MAN1A2: variants seen among roughly 807,000 people sequenced by gnomAD.
MAN1A2 encodes the protein mannosidase alpha class 1A member 2, also known as mannosyl-oligosaccharide 1,2-alpha-mannosidase IB.
A neutral mutation model predicts 75.7 loss-of-function variants in MAN1A2; 26 were observed. The ratio of observed to expected loss-of-function variants is 0.34; its 90% CI spans 0.25 to 0.48. MAN1A2 has a LOEUF of 0.48. MAN1A2 is among the 20% of genes least tolerant of loss of function. The probability of loss-of-function intolerance (pLI) is 0.99; values close to 1 mark genes in which losing one functional copy is unlikely to be tolerated. For synonymous variants in MAN1A2, 247 were observed against 264.6 expected (o/e 0.93, Z 0.65); for missense variants, 562 against 775.5 (o/e 0.72, Z 3.27).
At chr1:117,519,037 TC>T (rs1459208138) in intron 12 of MAN1A2, among the ~76,000 whole-genome samples, 4 of 152,074 alleles carry the variant, frequency 2.6e-5, no homozygotes, top group Admixed American at 2.6e-4. Flanking sequence ...AAAGGAGCCT[TC>T]AAAACCATGC....
chr1:117,498,799 T>G (rs1336442253), intron 10 of MAN1A2, among the ~76,000 whole-genome samples: 2 of 151,928 alleles, frequency 1.3e-5, no homozygotes, highest in Non-Finnish European at 2.9e-5. Flanking sequence ...TATTATATCC[T>G]CTGCTGTGTT....
Position 117,368,119 on chromosome 1 carries a change from C to A in MAN1A2, c.-65C>A. The A allele has an allele frequency of 6.9e-7, 1 of 1,444,164 alleles. No individual in the cohort carries two copies. The highest frequency in any genetic ancestry group is 9.3e-7 in the Non-Finnish European group (1 of 1,074,690). 89.5% of individuals were successfully genotyped at this position (1,444,164 alleles called of 1,614,324 possible). A position where few individuals can be genotyped will look rare whatever the true frequency, so the allele number is the denominator to read the frequency against. On this transcript the variant is annotated 5_prime_UTR_variant, in exon 1 of 13. Transcript: ENST00000356554. ...TTTGGCCAAGATTTTGAAGACAGTT[C>A]AATGTATTCTACATTTGACATAAGA... is the stretch of plus-strand genomic sequence containing the variant.
intron 5 of MAN1A2, among the ~76,000 whole-genome samples, chr1:117,425,697 C>A (rs756231607): frequency 6.6e-6 from 1 of 152,176 alleles, no homozygotes; most frequent in East Asian, 1.9e-4. Flanking sequence ...AGGGACCTTT[C>A]TCAAGGTGAT....
chr1:117,436,951 G>A (rs1246098695), intron 5 of MAN1A2, among the ~76,000 whole-genome samples: 1 of 152,192 alleles, frequency 6.6e-6, no homozygotes, highest in African/African-American at 2.4e-5. Flanking sequence ...TTCATTATGA[G>A]TTTTAAAATT....
chr1:117,442,557 T>G (rs2101813679), intron 6 of MAN1A2, among the ~76,000 whole-genome samples: 1 of 152,316 alleles, frequency 6.6e-6, no homozygotes, highest in East Asian at 1.9e-4. Context: ...ATTGCAGTTT[T>G]TACTACTCGT....
intron 12 of MAN1A2, among the ~76,000 whole-genome samples, chr1:117,522,177 T>C (rs1570810859): frequency 1.3e-5 from 2 of 151,826 alleles, no homozygotes; most frequent in African/African-American, 2.4e-5. Flanking sequence ...CAGTAACTTA[T>C]GGAAAAAAAT....
intron 8 of MAN1A2, among the ~76,000 whole-genome samples, chr1:117,485,515 A>C (rs902998162): frequency 6.6e-6 from 1 of 151,974 alleles, no homozygotes; most frequent in Non-Finnish European, 1.5e-5. Flanking sequence ...AGTGGCTGGG[A>C]ATGGCTACAG....
chr1:117,410,163 C>G (rs1647759671), intron 3 of MAN1A2, among the ~76,000 whole-genome samples: 1 of 151,910 alleles, frequency 6.6e-6, no homozygotes, highest in South Asian at 2.1e-4. Context: ...CAAATATTTT[C>G]CGTCTACCGT....
At chr1:117,466,313 T>A in intron 7 of MAN1A2, 21 bp from the exon 8 acceptor site, 1 of 1,493,204 alleles carries the variant, frequency 6.7e-7, no homozygotes, top group Non-Finnish European at 9.2e-7. Context: ...TTAATTGCAT[T>A]CTTAATTTTA....
chr1:117,458,523 A>AGATAT (rs372300456), intron 6 of MAN1A2, among the ~76,000 whole-genome samples: 12,995 of 105,420 alleles, frequency 0.12, 961 homozygotes, highest in South Asian at 0.19. Context: ...ATATATATAT[A>AGATAT]TTTTTTTTTT....
chr1:117,427,642 A>G (rs1395258377), intron 5 of MAN1A2, among the ~76,000 whole-genome samples: 2 of 152,312 alleles, frequency 1.3e-5, no homozygotes, highest in African/African-American at 4.8e-5. Flanking sequence ...TAGATCCTAA[A>G]CATGATAAAT....
Position 117,526,880 on chromosome 1 carries a change from C to CTCTCTCTCTCTCTA in MAN1A2, c.*3924_*3925insCTCTCTCTCTCTAT. On this transcript the variant is annotated 3_prime_UTR_variant, in exon 13 of 13. Transcript: ENST00000356554. Reference sequence around the variant, plus strand: ...TCTCTCTCTCTCTCTCTCTCTCTCTCTATATATATATATATATATATATAT... The same window carrying CTCTCTCTCTCTCTA: ...TCTCTCTCTCTCTCTCTCTCTCTCTCTCTCTCTCTCTCTATATATATATATATATATATATATAT... The CTCTCTCTCTCTCTA allele has an allele frequency of 1.1e-3, 59 of 54,516 alleles. No individual in the cohort carries two copies. Among genetic ancestry groups the CTCTCTCTCTCTCTA allele is most frequent in the African/African-American group, 2.1e-3 (26 of 12,282 alleles). The allele number at this position is 54,516 out of a possible 1,614,324, so 3.4% of individuals were successfully genotyped here.
chr1:117,419,296 T>C (rs1381085027), intron 4 of MAN1A2, among the ~76,000 whole-genome samples: 3 of 152,046 alleles, frequency 2.0e-5, no homozygotes, highest in Non-Finnish European at 4.4e-5. Flanking sequence ...GGAGGGTAAG[T>C]ATTAAAGCAG....
chr1:117,442,638 ATT>A (rs1649072244), intron 6 of MAN1A2, among the ~76,000 whole-genome samples: 2 of 151,932 alleles, frequency 1.3e-5, no homozygotes, highest in African/African-American at 2.4e-5. Flanking sequence ...TTGCTTATTC[ATT>A]TCCATTTAGT....
At chr1:117,466,305 A>G (rs1431813163) in intron 7 of MAN1A2, 29 bp from the exon 8 acceptor site, 1 of 1,410,606 alleles carries the variant, frequency 7.1e-7, no homozygotes, top group Admixed American at 1.8e-5. Context: ...TATTTTTATT[A>G]ATTGCATTCT....
At chr1:117,514,647 T>G (rs1296061987) in intron 12 of MAN1A2, among the ~76,000 whole-genome samples, 1 of 152,146 alleles carries the variant, frequency 6.6e-6, no homozygotes, top group Admixed American at 6.6e-5. Flanking sequence ...AGTGGCTTTG[T>G]CCATAAAACA....
chr1:117,400,362 T>C (rs933159297), intron 1 of MAN1A2, among the ~76,000 whole-genome samples: 1 of 151,774 alleles, frequency 6.6e-6, no homozygotes, highest in Admixed American at 6.6e-5. Context: ...TTATTGTTAA[T>C]ACTAGATAAT....
chr1:117,388,400 G>A (rs922369104), intron 1 of MAN1A2, among the ~76,000 whole-genome samples: 5 of 152,126 alleles, frequency 3.3e-5, no homozygotes, highest in Admixed American at 2.6e-4. Context: ...AGAAATACCC[G>A]AGACTGGGTA....
At chr1:117,401,655 T>G (rs1381576949) in intron 1 of MAN1A2, among the ~76,000 whole-genome samples, 1 of 152,190 alleles carries the variant, frequency 6.6e-6, no homozygotes, top group African/African-American at 2.4e-5. Flanking sequence ...GAATCTGTTT[T>G]TAACAAGAGT....
Sources: gnomAD v4.1 joint callset for allele counts (sites outside exome capture counted in the v4.1 genomes callset) on GRCh38, gnomAD v4.1.1 for gene constraint, MANE v1.5 for transcripts, NCBI Gene and HGNC (gene_info 2026-07-23, HGNC 2026-07-21) for gene names.